NPR3: variants seen among roughly 807,000 people sequenced by gnomAD.
NPR3 encodes natriuretic peptide receptor 3.
In NPR3, 34 loss-of-function variants were observed where a neutral mutation model predicts 54.5. That is an observed-to-expected ratio of 0.62 (90% CI 0.47 to 0.83). The LOEUF is 0.83. Ranked by LOEUF, NPR3 falls within the 40% of genes least tolerant of loss-of-function variation. The probability of loss-of-function intolerance (pLI) is 0.00; values close to 1 mark genes in which losing one functional copy is unlikely to be tolerated. For missense variants in NPR3, 674 were observed against 720.8 expected (o/e 0.94, Z 0.74); for synonymous variants, 289 against 297.1 (o/e 0.97, Z 0.28).
rs928518890 is a variant in NPR3, at chr5:32,789,061, C to T, written c.*2716C>T. 1.2e-5 allele frequency: 2 copies of T among 168,620 alleles called. No individual in the cohort carries two copies. The highest frequency in any genetic ancestry group is 1.1e-4 in the Admixed American group (2 of 17,914). The allele number at this position is 168,620 out of a possible 1,614,324, so 10.4% of individuals were successfully genotyped here. On this transcript the variant is annotated 3_prime_UTR_variant, in exon 8 of 8. Coordinates refer to ENST00000265074, the MANE Select transcript of NPR3 (RefSeq NM_001204375.2). ...TAGTAATTCATACTCTACTAGTAGT[C>T]ACATGTCATATAGTAAAATAAATAG...
rs78038495 is a variant in NPR3, at chr5:32,782,326, G to A, written c.1291-567G>A. Among the ~76,000 whole-genome samples, 437 of 151,092 alleles carry A rather than the reference G, an allele frequency of 2.9e-3. 1 individual carries two copies. Among genetic ancestry groups the A allele is most frequent in the Non-Finnish European group, 5.2e-3 (349 of 67,744 alleles). On this transcript the variant is annotated intron_variant, in intron 5 of 7. Coordinates refer to ENST00000265074, the MANE Select transcript of NPR3 (RefSeq NM_001204375.2). ...TGGGTACCTGTCATATGCTTAAATC[G>A]GGTATACGGTGGACCCTGGCTGTCC...
At chr5:32,743,313 A>G (rs1579641537) in intron 3 of NPR3, among the ~76,000 whole-genome samples, 1 of 152,182 alleles carries the variant, frequency 6.6e-6, no homozygotes, top group Non-Finnish European at 1.5e-5. Flanking sequence ...GGAAAATTAT[A>G]AGATCACAAC....
intron 5 of NPR3, 53 bp downstream of exon 5, chr5:32,780,869 G>A: frequency 1.2e-6 from 1 of 809,858 alleles, no homozygotes; most frequent in Non-Finnish European, 2.2e-6. Context: ...TGGGGACTCT[G>A]AGGAATGCAT....
At chr5:32,739,183 G>GTT (rs368679421) in intron 3 of NPR3, among the ~76,000 whole-genome samples, 153 bp downstream of exon 3, 34 of 130,228 alleles carry the variant, frequency 2.6e-4, no homozygotes, top group African/African-American at 6.6e-4. Flanking sequence ...GTGTGTGTGT[G>GTT]TTTTTTTTTT....
rs756702838 is a variant in NPR3 at position 32,711,857 on chromosome 5, TGGCGTTGGCGGCGGCGGC to T, written c.84_101del (p.Val29_Gly34del). On this transcript the variant is annotated inframe_deletion, in exon 1 of 8. Transcript: ENST00000265074. ...TGCTGGCCGGCGGCACCGGTGGCGG[TGGCGTTGGCGGCGGCGGC>T]GGTGGCGCGGGCATAGGCGGCGGAC... The T allele has an allele frequency of 6.2e-6, 9 of 1,461,442 alleles. No individual in the cohort carries two copies. Among genetic ancestry groups the T allele is most frequent in the Non-Finnish European group, 7.2e-6 (8 of 1,108,956 alleles). 90.5% of individuals were successfully genotyped at this position (1,461,442 alleles called of 1,614,324 possible).
chr5:32,715,233 C>A (rs1411116163), intron 1 of NPR3, among the ~76,000 whole-genome samples: 2 of 152,100 alleles, frequency 1.3e-5, no homozygotes, highest in Non-Finnish European at 2.9e-5. Flanking sequence ...GATATTCTCA[C>A]CCAAGTGTGA....
chr5:32,768,362 A>G (rs1741585133), intron 3 of NPR3, among the ~76,000 whole-genome samples: 1 of 152,212 alleles, frequency 6.6e-6, no homozygotes, highest in South Asian at 2.1e-4. Context: ...GCATCTGTAT[A>G]TGACGCATGT....
chr5:32,766,988 T>C lies in NPR3; in HGVS notation c.1060-7720T>C, dbSNP rs1259924856. Among the ~76,000 whole-genome samples, 7 of 152,358 alleles carry C rather than the reference T, an allele frequency of 4.6e-5. No individual in the cohort carries two copies. The East Asian group carries it at 1.3e-3, about 29-fold the overall frequency. ...GTTTTGTCCTTTCTCTTCCATCTTC[T>C]GCCCTCTCATTCCCTCTCCAGGTGC... On this transcript the variant is annotated intron_variant, in intron 3 of 7. Transcript: ENST00000265074.
chr5:32,715,191 T>C (rs868664772), intron 1 of NPR3, among the ~76,000 whole-genome samples: 1 of 152,172 alleles, frequency 6.6e-6, no homozygotes, highest in Non-Finnish European at 1.5e-5. Context: ...TGTGAAACAA[T>C]GTGTGGGGTG....
intron 4 of NPR3, among the ~76,000 whole-genome samples, chr5:32,775,565 T>C (rs1001085709): frequency 1.1e-4 from 16 of 152,094 alleles, no homozygotes; most frequent in African/African-American, 3.9e-4. Flanking sequence ...CAAAGTGCTT[T>C]TATTTTACTT....
At chr5:32,753,624 CTTTTTT>C (rs70961660) in intron 3 of NPR3, among the ~76,000 whole-genome samples, 1,553 of 102,782 alleles carry the variant, frequency 0.015, 33 homozygotes, top group African/African-American at 0.056. Flanking sequence ...TCTCAGCATC[CTTTTTT>C]TTTTTTTTTT....
At chr5:32,784,719 C>T (rs1742516560) in intron 6 of NPR3, 77 bp from the exon 7 acceptor site, 2 of 1,152,360 alleles carry the variant, frequency 1.7e-6, no homozygotes, top group Admixed American at 3.6e-5. Context: ...CGAGGAACTT[C>T]TTGCAATGAA....
chr5:32,711,905 G>A lies in NPR3; in HGVS notation c.129G>A (p.Gln43=). Residue 43 remains glutamine (Q), a synonymous_variant, in exon 1 of 8, where the codon CAG becomes CAA. Transcript: ENST00000265074. ...GCGCGGGCATAGGCGGCGGACGCCA[G>A]GAGAGAGAGGCGCTGCCGCCACAGA... ...GGGAGIGGGR[Q]EREALPPQKI... The A allele has an allele frequency of 2.0e-6, 3 of 1,489,882 alleles. No individual in the cohort carries two copies. Among genetic ancestry groups the A allele is most frequent in the Non-Finnish European group, 2.7e-6 (3 of 1,119,320 alleles). 92.3% of individuals were successfully genotyped at this position (1,489,882 alleles called of 1,614,324 possible).
intron 2 of NPR3, among the ~76,000 whole-genome samples, chr5:32,728,850 T>TATAC (rs1377644230): frequency 5.0e-5 from 6 of 119,590 alleles, no homozygotes; most frequent in Admixed American, 7.8e-5. Context: ...TATATATATA[T>TATAC]ATATATATAT....
intron 3 of NPR3, among the ~76,000 whole-genome samples, chr5:32,747,246 T>G (rs1328420756): frequency 6.6e-6 from 1 of 152,168 alleles, no homozygotes; most frequent in Non-Finnish European, 1.5e-5. Flanking sequence ...TCTCTTGACT[T>G]CCTAAAGTGG....
rs376607777 is a variant in NPR3 at position 32,780,452 on chromosome 5, AATCTTTTTTCAAACAT to A, written c.1196-266_1196-251del. On this transcript the variant is annotated intron_variant, in intron 4 of 7. Coordinates refer to ENST00000265074, the MANE Select transcript of NPR3 (RefSeq NM_001204375.2). ...GCATGCTGCTTTCAGGATTAGCCTT[AATCTTTTTTCAAACAT>A]ATCCCCCAAAGAAGATCATTTATTT... Among the ~76,000 whole-genome samples, 714 of 152,344 alleles carry A rather than the reference AATCTTTTTTCAAACAT, an allele frequency of 4.7e-3. 3 individuals carry two copies. The highest frequency in any genetic ancestry group is 0.017 in the African/African-American group (688 of 41,568).
In NPR3 at chr5:32,711,840, G is replaced by C. The variant is rs1373301621; in HGVS notation, c.64G>C (p.Gly22Arg). 2 of 1,460,374 alleles carry C rather than the reference G, an allele frequency of 1.4e-6. No homozygotes were observed. Among genetic ancestry groups the C allele is most frequent in the Non-Finnish European group, 9.0e-7 (1 of 1,107,950 alleles). The allele number at this position is 1,460,374 out of a possible 1,614,324, so 90.5% of individuals were successfully genotyped here. Residue 22 changes from glycine to arginine, a missense_variant, in exon 1 of 8, where the codon GGC (glycine) becomes CGC (arginine). Coordinates refer to ENST00000265074, the MANE Select transcript of NPR3 (RefSeq NM_001204375.2). ...ACTACTCGGCTGGGCGTTGCTGGCC[G>C]GCGGCACCGGTGGCGGTGGCGTTGG... ...CVLLGWALLAGGTGGGGVGGG... is the reference protein window; with the variant it reads ...CVLLGWALLARGTGGGGVGGG...
At position 32,701,331 on chromosome 5, in the gene NPR3, A is replaced by G. The variant is rs755796440; in HGVS notation, c.100+12145A>G. 5.3e-5 allele frequency among the ~76,000 whole-genome samples: 8 copies of G among 151,310 alleles called. No individual in the cohort carries two copies. The East Asian group carries it at 1.5e-3, about 29-fold the overall frequency. ...CTTCAGTAGGTCAATTGCATTTTCA[A>G]CTCCAGAATTTCTCCTTGATTCTTT... On this transcript the variant is annotated intron_variant, in intron 1 of 5. Coordinates refer to the NPR3 transcript ENST00000509104.
chr5:32,710,156 G>C (rs1409336201), upstream of NPR3: 1 of 152,172 alleles, frequency 6.6e-6, no homozygotes, highest in African/African-American at 2.4e-5. Context: ...GACTTCTCCA[G>C]AGCCGCTTCC....
Sources: gnomAD v4.1 joint callset for allele counts (sites outside exome capture counted in the v4.1 genomes callset) on GRCh38, gnomAD v4.1.1 for gene constraint, MANE v1.5 for transcripts, NCBI Gene and HGNC (gene_info 2026-07-23, HGNC 2026-07-21) for gene names.